Variants in FSTL5 observed in about 807,000 individuals in gnomAD.
The protein encoded by FSTL5 is follistatin like 5, also known as follistatin-related protein 5.
Under a neutral mutation model 89.1 loss-of-function variants are expected in FSTL5, and 62 were observed. That is an observed-to-expected ratio of 0.70 (90% CI 0.57 to 0.86). The LOEUF (loss-of-function observed/expected upper bound fraction) is 0.86, where lower values mean the gene tolerates loss of function less well. Ranked by LOEUF, FSTL5 falls within the 40% of genes least tolerant of loss-of-function variation. The probability of loss-of-function intolerance (pLI) is 0.00; values close to 1 mark genes in which losing one functional copy is unlikely to be tolerated. For missense variants in FSTL5, 1,057 were observed against 1,001.6 expected (o/e 1.06, Z -0.75); for synonymous variants, 383 against 346.2 (o/e 1.11, Z -1.18).
At chr4:161,867,055 T>C (rs553488778) in intron 4 of FSTL5, among the ~76,000 whole-genome samples, 64 of 152,134 alleles carry the variant, frequency 4.2e-4, no homozygotes, top group Middle Eastern at 3.4e-3. Context: ...TTATTGTTAA[T>C]TCAAAGATAA....
At chr4:161,721,360 TA>T (rs1344503956) in intron 6 of FSTL5, among the ~76,000 whole-genome samples, 1 of 151,668 alleles carries the variant, frequency 6.6e-6, no homozygotes, top group East Asian at 1.9e-4. Flanking sequence ...CAAAAGGTTT[TA>T]AAAATGCTTA....
rs11417337 is a variant in FSTL5, at chr4:161,396,121, T to TAA, written c.1842-9674_1842-9673dup. 1.8e-3 allele frequency among the ~76,000 whole-genome samples: 266 copies of TAA among 144,902 alleles called. 1 individual carries two copies. The highest frequency in any genetic ancestry group is 0.013 in the East Asian group (66 of 4,962). On this transcript the variant is annotated intron_variant, in intron 15 of 15. Coordinates refer to ENST00000306100, the MANE Select transcript of FSTL5 (RefSeq NM_020116.5). ...GAATGTTGTATAGGATCATTGATCA[T>TAA]AAAAAAAAAAAACACTGCGAGAGAA...
At chr4:161,950,020 T>A (rs1734847171) in intron 3 of FSTL5, among the ~76,000 whole-genome samples, 1 of 152,100 alleles carries the variant, frequency 6.6e-6, no homozygotes, top group Non-Finnish European at 1.5e-5. Context: ...TTTTAAAAAT[T>A]AATAAGATAA....
chr4:162,039,375 G>A (rs1483567755), intron 2 of FSTL5, among the ~76,000 whole-genome samples: 3 of 151,740 alleles, frequency 2.0e-5, no homozygotes, highest in Non-Finnish European at 4.4e-5. Context: ...CATATAGTAA[G>A]ACGATGTTAT....
At chr4:162,118,774 C>T (rs1251897689) in intron 1 of FSTL5, among the ~76,000 whole-genome samples, 1 of 151,972 alleles carries the variant, frequency 6.6e-6, no homozygotes, top group African/African-American at 2.4e-5. Context: ...CCTATACATC[C>T]TACTAGATAT....
chr4:161,864,720 A>G (rs1732022098), intron 4 of FSTL5, among the ~76,000 whole-genome samples: 1 of 151,986 alleles, frequency 6.6e-6, no homozygotes, highest in African/African-American at 2.4e-5. Flanking sequence ...AAAGACAAAA[A>G]AATTAGCTGG....
intron 4 of FSTL5, among the ~76,000 whole-genome samples, chr4:161,852,582 A>G (rs1731589065): frequency 6.6e-6 from 1 of 152,206 alleles, no homozygotes; most frequent in African/African-American, 2.4e-5. Context: ...AGACAGAAAT[A>G]TCATTTGACA....
intron 8 of FSTL5, among the ~76,000 whole-genome samples, chr4:161,564,170 C>T (rs1005318742): frequency 6.6e-6 from 1 of 151,396 alleles, no homozygotes; most frequent in Non-Finnish European, 1.5e-5. Context: ...TACAACAATA[C>T]TTGATGTATA....
intron 7 of FSTL5, among the ~76,000 whole-genome samples, chr4:161,590,065 T>A (rs10021947): frequency 0.016 from 2,376 of 152,224 alleles, 59 homozygotes; most frequent in African/African-American, 0.054. Context: ...AACAGCCACA[T>A]ACAACATACC....
intron 12 of FSTL5, among the ~76,000 whole-genome samples, chr4:161,486,143 C>CAAAAAA (rs1278214856): frequency 2.6e-5 from 2 of 76,160 alleles, no homozygotes; most frequent in South Asian, 5.0e-4. Flanking sequence ...GACTCCGTCT[C>CAAAAAA]AAAAAAAAAA....
chr4:161,399,369 C>T (rs955627584), intron 15 of FSTL5, among the ~76,000 whole-genome samples: 5 of 151,968 alleles, frequency 3.3e-5, no homozygotes, highest in Non-Finnish European at 5.9e-5. Flanking sequence ...TTTATTCTTA[C>T]AATAAAGTAA....
rs531553762 is a variant in FSTL5 at position 161,441,807 on chromosome 4, C to T, written c.1841+13197G>A. On this transcript the variant is annotated intron_variant, in intron 15 of 15. Coordinates refer to ENST00000306100, the MANE Select transcript of FSTL5 (RefSeq NM_020116.5). ...TTTGAGGAAAGTCCTAGTGAATTTTCTCTTCTTGGTAGGACTGTTAAACAA... is the reference window on the plus strand; with the variant it reads ...TTTGAGGAAAGTCCTAGTGAATTTTTTCTTCTTGGTAGGACTGTTAAACAA... Among the ~76,000 whole-genome samples the T allele has an allele frequency of 2.6e-5, 4 of 152,170 alleles. No individual in the cohort carries two copies. In the South Asian group the frequency reaches 6.2e-4, roughly 24 times the overall value.
intron 4 of FSTL5, among the ~76,000 whole-genome samples, chr4:161,871,142 T>C (rs924010329): frequency 6.6e-6 from 1 of 152,110 alleles, no homozygotes; most frequent in African/African-American, 2.4e-5. Flanking sequence ...TAAAACCAAA[T>C]ACTTTATGAC....
At chr4:161,934,312 A>G (rs1734373860) in intron 3 of FSTL5, among the ~76,000 whole-genome samples, 2 of 152,130 alleles carry the variant, frequency 1.3e-5, no homozygotes, top group African/African-American at 4.8e-5. Flanking sequence ...TGAGCACAGT[A>G]GAAACTCAGG....
chr4:161,435,247 A>T (rs1429470384), intron 15 of FSTL5, among the ~76,000 whole-genome samples: 1 of 152,202 alleles, frequency 6.6e-6, no homozygotes, highest in African/African-American at 2.4e-5. Flanking sequence ...GTTATAAAAA[A>T]AATGAGATAT....
At chr4:162,156,966 T>C (rs551280450) in intron 1 of FSTL5, among the ~76,000 whole-genome samples, 3 of 152,156 alleles carry the variant, frequency 2.0e-5, no homozygotes, top group African/African-American at 4.8e-5. Flanking sequence ...TAAACTGTTA[T>C]GCATATAAAA....
intron 3 of FSTL5, among the ~76,000 whole-genome samples, chr4:162,012,432 G>C (rs1016518287): frequency 6.6e-6 from 1 of 152,070 alleles, no homozygotes; most frequent in Admixed American, 6.5e-5. Flanking sequence ...AATTATTCAA[G>C]TAAACATGGA....
chr4:161,579,779 T>C (rs1235749805), intron 8 of FSTL5, among the ~76,000 whole-genome samples: 1 of 148,680 alleles, frequency 6.7e-6, no homozygotes, highest in Non-Finnish European at 1.5e-5. Context: ...AAAATGGATG[T>C]GATCATTTGA....
At chr4:161,652,779 G>T (rs924045756) in intron 7 of FSTL5, among the ~76,000 whole-genome samples, 1 of 151,844 alleles carries the variant, frequency 6.6e-6, no homozygotes, top group Non-Finnish European at 1.5e-5. Context: ...TGTTATCTAG[G>T]TGACTATACA....
Sources: allele counts gnomAD v4.1 joint callset (sites outside exome capture counted in the v4.1 genomes callset), GRCh38; gene constraint gnomAD v4.1.1; transcripts MANE v1.5; gene names NCBI Gene and HGNC (gene_info 2026-07-23, HGNC 2026-07-21).